SETD3: variants seen among roughly 807,000 people sequenced by gnomAD.
SETD3 encodes actin-histidine N-methyltransferase.
In SETD3, 19 loss-of-function variants were observed where a neutral mutation model predicts 63.0. That is an observed-to-expected ratio of 0.30 (90% CI 0.21 to 0.44). The LOEUF is 0.44. Among genes scored for constraint, SETD3 ranks in the 20% least tolerant of loss-of-function variants. The pLI is 1.00. For missense variants in SETD3, 587 were observed against 728.5 expected, an observed-to-expected ratio of 0.81 and a Z score of 2.24; for synonymous variants, 286 against 264.1, an observed-to-expected ratio of 1.08 and a Z score of -0.80.
intron 6 of SETD3, among the ~76,000 whole-genome samples, chr14:99,434,675 C>T (rs1371726292): frequency 1.3e-5 from 2 of 151,698 alleles, no homozygotes; most frequent in Admixed American, 1.3e-4. Context: ...TGGAGAAACC[C>T]CGTCTCTACT....
chr14:99,432,593 A>T (rs1479108832), intron 6 of SETD3, among the ~76,000 whole-genome samples: 1 of 152,248 alleles, frequency 6.6e-6, no homozygotes, highest in African/African-American at 2.4e-5. Context: ...AAGGGCACAG[A>T]TGTGGAATGA....
chr14:99,482,743 G>A (rs1299129586), upstream of SETD3, among the ~76,000 whole-genome samples: 1 of 152,156 alleles, frequency 6.6e-6, no homozygotes, highest in Non-Finnish European at 1.5e-5. Context: ...TGTTAATGAG[G>A]TTCTTAAATT....
intron 3 of SETD3, 100 bp downstream of exon 3, chr14:99,463,386 C>T: frequency 3.5e-6 from 3 of 848,412 alleles, no homozygotes; most frequent in Non-Finnish European, 5.7e-6. Flanking sequence ...TTCAGAGTGA[C>T]ACCAATGATG....
At chr14:99,407,851 C>G (rs918794103) in intron 8 of SETD3, among the ~76,000 whole-genome samples, 1 of 152,164 alleles carries the variant, frequency 6.6e-6, no homozygotes, top group Non-Finnish European at 1.5e-5. Context: ...CTCTGTGTCC[C>G]GAGTGCTCAG....
At chr14:99,468,156 T>A (rs74082073) in intron 1 of SETD3, among the ~76,000 whole-genome samples, 18 of 131,926 alleles carry the variant, frequency 1.4e-4, no homozygotes, top group East Asian at 6.5e-4. Context: ...AATACAGATT[T>A]AAAAAAAAAA....
chr14:99,405,194 T>C lies in SETD3; in HGVS notation c.1091+11A>G, dbSNP rs1480301159. The stretch of plus-strand genomic sequence containing the variant: ...CTGCAAGAAAGGGCCAACCGATGTT[T>C]TTCTACGTACGTGGGGATGCCGGCA... On this transcript the variant is annotated intron_variant, in intron 10 of 12. Transcript: ENST00000331768. The C allele has an allele frequency of 1.2e-6, 2 of 1,606,162 alleles. No individual in the cohort carries two copies. Among genetic ancestry groups the C allele is most frequent in the Admixed American group, 1.7e-5 (1 of 57,874 alleles).
At chr14:99,402,839 G>T (rs1225187810) in intron 11 of SETD3, among the ~76,000 whole-genome samples, 1 of 152,216 alleles carries the variant, frequency 6.6e-6, no homozygotes, top group Non-Finnish European at 1.5e-5. Context: ...ACCAAATGTA[G>T]CATCATGCCT....
At chr14:99,473,781 C>T (rs1397190313) in intron 1 of SETD3, among the ~76,000 whole-genome samples, 1 of 152,194 alleles carries the variant, frequency 6.6e-6, no homozygotes, top group Non-Finnish European at 1.5e-5. Flanking sequence ...ATTAAATACA[C>T]AAATTACAGG....
chr14:99,486,147 C>T, the SETD3 span, among the ~76,000 whole-genome samples: 1 of 152,230 alleles, frequency 6.6e-6, no homozygotes, highest in South Asian at 2.1e-4. Context: ...GTTCCTTGTC[C>T]TTTAACTTTT....
intron 6 of SETD3, 38 bp downstream of exon 6, chr14:99,458,241 C>A (rs1169244727): frequency 6.3e-7 from 1 of 1,583,960 alleles, no homozygotes; most frequent in Admixed American, 1.7e-5. Flanking sequence ...CCTCCCCACT[C>A]TGTGAAATAT....
chr14:99,447,074 C>A (rs1443448760), intron 6 of SETD3, among the ~76,000 whole-genome samples: 1 of 151,906 alleles, frequency 6.6e-6, no homozygotes, highest in Non-Finnish European at 1.5e-5. Flanking sequence ...CGGGTTCAAG[C>A]GATTCTCATG....
intron 6 of SETD3, among the ~76,000 whole-genome samples, chr14:99,429,420 G>T (rs1167637529): frequency 6.6e-6 from 1 of 152,212 alleles, no homozygotes; most frequent in Admixed American, 6.5e-5. Context: ...TGAGACGCAG[G>T]GGAAACTCTG....
At chr14:99,479,463 G>C (rs1243850640) in intron 1 of SETD3, among the ~76,000 whole-genome samples, 1 of 152,182 alleles carries the variant, frequency 6.6e-6, no homozygotes, top group African/African-American at 2.4e-5. Context: ...TTTTAACAGT[G>C]GAGAGGAAGA....
At chr14:99,471,294 C>T (rs1177374655) in intron 1 of SETD3, among the ~76,000 whole-genome samples, 1 of 152,142 alleles carries the variant, frequency 6.6e-6, no homozygotes, top group Non-Finnish European at 1.5e-5. Context: ...ACATTGCTCC[C>T]AACAGTGATT....
At chr14:99,406,972 T>A (rs1332617026) in intron 8 of SETD3, among the ~76,000 whole-genome samples, 3 of 152,224 alleles carry the variant, frequency 2.0e-5, no homozygotes, top group Non-Finnish European at 4.4e-5. Flanking sequence ...ACTGACGATC[T>A]GCACTATTCT....
chr14:99,449,639 G>A (rs1379211596), intron 6 of SETD3, among the ~76,000 whole-genome samples: 2 of 152,032 alleles, frequency 1.3e-5, no homozygotes, highest in East Asian at 1.9e-4. Context: ...GAGAAGATTC[G>A]ACAACTAAAT....
At chr14:99,441,706 G>A (rs1280402353) in intron 6 of SETD3, among the ~76,000 whole-genome samples, 3 of 152,228 alleles carry the variant, frequency 2.0e-5, no homozygotes, top group African/African-American at 7.2e-5. Context: ...ACCAGAGGGA[G>A]TGGACTGCAG....
At position 99,450,972 on chromosome 14, in the gene SETD3, T is replaced by A. The variant is rs571416617; in HGVS notation, c.675+7307A>T. ...GCCCCACGTCACAGCACTGGGCCCA[T>A]TACATGGCACTGATTATCAATTAAA... On this transcript the variant is annotated intron_variant, in intron 6 of 12. Coordinates refer to ENST00000331768, the MANE Select transcript of SETD3 (RefSeq NM_032233.3). 2.7e-4 allele frequency among the ~76,000 whole-genome samples: 41 copies of A among 152,324 alleles called. 1 individual carries two copies. The highest frequency in any genetic ancestry group is 4.4e-4 in the Non-Finnish European group (30 of 68,018).
At chr14:99,432,481 C>T (rs1044980183) in intron 6 of SETD3, among the ~76,000 whole-genome samples, 2 of 152,162 alleles carry the variant, frequency 1.3e-5, no homozygotes, top group Admixed American at 1.3e-4. Flanking sequence ...TTAAGTATTG[C>T]TTTTAAGCCA....
Sources: allele counts gnomAD v4.1 joint callset (sites outside exome capture counted in the v4.1 genomes callset), GRCh38; gene constraint gnomAD v4.1.1; transcripts MANE v1.5; gene names NCBI Gene and HGNC (gene_info 2026-07-23, HGNC 2026-07-21).